The following ARHGAP42 variants were observed in gnomAD, a reference collection of about 807,000 sequenced individuals.
ARHGAP42 encodes the protein rho GTPase-activating protein 42.
A neutral mutation model predicts 125.0 loss-of-function variants in ARHGAP42; 63 were observed. The observed-to-expected ratio is 0.50, with a 90% CI of 0.41 to 0.62. ARHGAP42 has a LOEUF of 0.62. Among genes scored for constraint, ARHGAP42 ranks in the 20% least tolerant of loss-of-function variants. The probability of loss-of-function intolerance (pLI) is 0.00; values close to 1 mark genes in which losing one functional copy is unlikely to be tolerated. For missense variants in ARHGAP42, 766 were observed against 1,024.2 expected (o/e 0.75, Z 3.44); for synonymous variants, 339 against 351.0 (o/e 0.97, Z 0.38).
intron 3 of ARHGAP42, among the ~76,000 whole-genome samples, chr11:100,819,359 G>A (rs531438378): frequency 2.6e-5 from 4 of 152,114 alleles, no homozygotes; most frequent in Non-Finnish European, 5.9e-5. Context: ...AGAGTAGTGA[G>A]TGAAAATAGA....
intron 23 of ARHGAP42, among the ~76,000 whole-genome samples, 193 bp from the exon 24 acceptor site, chr11:100,988,520 A>G (rs979294101): frequency 2.0e-5 from 3 of 152,220 alleles, no homozygotes; most frequent in Non-Finnish European, 4.4e-5. Context: ...TCCCTAGGGT[A>G]TATGCAAATA....
chr11:100,967,913 G>A lies in ARHGAP42; in HGVS notation c.1550+2137G>A, dbSNP rs1192838120. On this transcript the variant is annotated intron_variant, in intron 17 of 23. Transcript: ENST00000298815. ...TAAATTTTGCATTTTTAGTAGAGACGGGGTTTCACCACGTTGGCCAGGATG... is the reference window on the plus strand; with the variant it reads ...TAAATTTTGCATTTTTAGTAGAGACAGGGTTTCACCACGTTGGCCAGGATG... Among the ~76,000 whole-genome samples the A allele has an allele frequency of 6.6e-5, 10 of 152,114 alleles. 1 individual carries two copies. The East Asian group carries it at 1.5e-3, about 24-fold the overall frequency.
intron 8 of ARHGAP42, among the ~76,000 whole-genome samples, chr11:100,940,782 A>T (rs1867862603): frequency 6.6e-6 from 1 of 152,126 alleles, no homozygotes; most frequent in Non-Finnish European, 1.5e-5. Flanking sequence ...TTTATTCATT[A>T]TTCATTTGTC....
intron 1 of ARHGAP42, among the ~76,000 whole-genome samples, chr11:100,763,608 C>T (rs1862761309): frequency 6.6e-6 from 1 of 152,150 alleles, no homozygotes; most frequent in Non-Finnish European, 1.5e-5. Flanking sequence ...CTGCCTCAGC[C>T]TCCCAAGTAG....
At chr11:100,870,776 G>A (rs117806452) in intron 4 of ARHGAP42, among the ~76,000 whole-genome samples, 22 of 152,130 alleles carry the variant, frequency 1.4e-4, no homozygotes, top group Non-Finnish European at 2.8e-4. Flanking sequence ...ATTTGGAATC[G>A]GTAGATTTGT....
intron 1 of ARHGAP42, among the ~76,000 whole-genome samples, chr11:100,722,635 C>T (rs1170835330): frequency 2.6e-5 from 4 of 152,120 alleles, no homozygotes; most frequent in African/African-American, 4.8e-5. Context: ...GTGATGCGCC[C>T]GCCTTGGCCT....
intron 19 of ARHGAP42, among the ~76,000 whole-genome samples, chr11:100,975,484 GTTTCTTACA>G (rs1858366310): frequency 6.6e-6 from 1 of 152,108 alleles, no homozygotes; most frequent in South Asian, 2.1e-4. Flanking sequence ...AAAATAGCCA[GTTTCTTACA>G]TTTCTATATT....
Position 100,729,067 on chromosome 11 carries a change from C to CCT in ARHGAP42, c.154+41238_154+41239dup, listed in dbSNP as rs1435081221. Among the ~76,000 whole-genome samples the CCT allele has an allele frequency of 4.9e-4, 74 of 150,536 alleles. 1 individual carries two copies. The highest frequency in any genetic ancestry group is 2.3e-4 in the East Asian group (1 of 4,356). ...TACAGGTGTGAGCCACTGCACGCAG[C>CCT]CTCTGTCTCTCTCTCTCTCTCTTAA... is the stretch of plus-strand genomic sequence containing the variant. On this transcript the variant is annotated intron_variant, in intron 1 of 23. Transcript: ENST00000298815.
chr11:100,966,979 G>A (rs1858111672), intron 17 of ARHGAP42, among the ~76,000 whole-genome samples: 1 of 152,062 alleles, frequency 6.6e-6, no homozygotes, highest in African/African-American at 2.4e-5. Context: ...GCTTATTTGA[G>A]CCATATACAT....
At chr11:100,812,557 T>C (rs1864171475) in intron 3 of ARHGAP42, among the ~76,000 whole-genome samples, 1 of 152,180 alleles carries the variant, frequency 6.6e-6, no homozygotes, top group Non-Finnish European at 1.5e-5. Flanking sequence ...GAGTTTTTAA[T>C]GTCAGGAAAT....
At chr11:100,794,857 G>A (rs1029880634) in intron 2 of ARHGAP42, among the ~76,000 whole-genome samples, 32 of 152,072 alleles carry the variant, frequency 2.1e-4, no homozygotes, top group African/African-American at 7.5e-4. Flanking sequence ...GATATTGTTG[G>A]TACTTGCTAA....
chr11:100,764,172 C>G (rs988158497), intron 1 of ARHGAP42, among the ~76,000 whole-genome samples: 1 of 152,092 alleles, frequency 6.6e-6, no homozygotes, highest in African/African-American at 2.4e-5. Context: ...CTGGCACAAG[C>G]CACTGCACCC....
intron 12 of ARHGAP42, among the ~76,000 whole-genome samples, chr11:100,954,927 C>G (rs1826665786): frequency 6.6e-6 from 1 of 152,064 alleles, no homozygotes; most frequent in African/African-American, 2.4e-5. Flanking sequence ...ACCTTTTAAT[C>G]TGAAACAGGA....
chr11:100,979,417 C>T (rs1858474993), intron 22 of ARHGAP42, among the ~76,000 whole-genome samples: 1 of 152,052 alleles, frequency 6.6e-6, no homozygotes, highest in Non-Finnish European at 1.5e-5. Flanking sequence ...TCATGAATAT[C>T]CATGGAAAAA....
In ARHGAP42 at chr11:100,936,184, T is replaced by C. The variant is rs1555027344; in HGVS notation, c.703-19T>C. ...TGGTAGAAAATAATGACTGAAATTA[T>C]TGTTTCTGTTTACTTAAGACAAGGA... is the stretch of plus-strand genomic sequence containing the variant. On this transcript the variant is annotated intron_variant, in intron 7 of 23. Coordinates refer to ENST00000298815, the MANE Select transcript of ARHGAP42 (RefSeq NM_152432.4). The C allele has an allele frequency of 2.6e-6, 4 of 1,550,692 alleles. No homozygotes were observed. The highest frequency in any genetic ancestry group is 1.8e-4 in the Middle Eastern group (1 of 5,534).
chr11:100,847,564 C>G (rs1464763329), intron 3 of ARHGAP42, among the ~76,000 whole-genome samples: 1 of 152,058 alleles, frequency 6.6e-6, no homozygotes, highest in South Asian at 2.1e-4. Context: ...ATTCTGGCAG[C>G]TGTGTGGAAC....
intron 13 of ARHGAP42, among the ~76,000 whole-genome samples, chr11:100,960,539 C>T (rs960627969): frequency 6.6e-6 from 1 of 152,136 alleles, no homozygotes; most frequent in African/African-American, 2.4e-5. Flanking sequence ...TCTGTTTCCT[C>T]ATCTCTAAAA....
intron 2 of ARHGAP42, among the ~76,000 whole-genome samples, chr11:100,789,611 C>A (rs1370910548): frequency 1.3e-5 from 2 of 152,190 alleles, no homozygotes; most frequent in Non-Finnish European, 2.9e-5. Flanking sequence ...AGCATGTGCT[C>A]ACGTGAGTGA....
At chr11:100,766,988 T>C (rs1413316925) in intron 1 of ARHGAP42, among the ~76,000 whole-genome samples, 1 of 152,162 alleles carries the variant, frequency 6.6e-6, no homozygotes, top group Non-Finnish European at 1.5e-5. Flanking sequence ...TAGACACCCA[T>C]CTCTTACCCA....
Sources: gnomAD v4.1 joint callset for allele counts (sites outside exome capture counted in the v4.1 genomes callset) on GRCh38, gnomAD v4.1.1 for gene constraint, MANE v1.5 for transcripts, NCBI Gene and HGNC (gene_info 2026-07-23, HGNC 2026-07-21) for gene names.